The following SLC25A15 variants were observed in gnomAD, a reference collection of about 807,000 sequenced individuals.
The protein encoded by SLC25A15 is mitochondrial ornithine transporter 1.
SLC25A15 carries 24 observed loss-of-function variants against 32.3 expected under a neutral mutation model. The ratio of observed to expected loss-of-function variants is 0.74; its 90% CI spans 0.54 to 1.04. SLC25A15 has a LOEUF of 1.04. SLC25A15 is among the 50% of genes least tolerant of loss of function. SLC25A15 has a pLI of 0.00. For missense variants in SLC25A15, 317 were observed against 374.5 expected, an observed-to-expected ratio of 0.85 and a Z score of 1.27; for synonymous variants, 132 against 142.1, an observed-to-expected ratio of 0.93 and a Z score of 0.51.
At position 40,811,003 on chromosome 13, in the gene SLC25A15, CCT is replaced by C. The variant is rs1882423578; in HGVS notation, c.*1342_*1343del. ...TGGTGATTGTGTGACAGTGGGTGAA[CCT>C]CTCTCAGAGAGAACTAGAAAGAACT... On this transcript the variant is annotated 3_prime_UTR_variant, in exon 7 of 7. Coordinates refer to ENST00000338625, the MANE Select transcript of SLC25A15 (RefSeq NM_014252.4). 2.6e-6 allele frequency: 1 copy of C among 385,714 alleles called. No homozygotes were observed. Among genetic ancestry groups the C allele is most frequent in the Admixed American group, 3.3e-5 (1 of 30,520 alleles). 23.9% of individuals were successfully genotyped at this position (385,714 alleles called of 1,614,324 possible).
intron 3 of SLC25A15, 34 bp downstream of exon 3, chr13:40,799,349 TA>T: frequency 6.2e-7 from 1 of 1,613,718 alleles, no homozygotes; most frequent in Non-Finnish European, 8.5e-7. Context: ...TTTATTTGTT[TA>T]AAAAAACCCC....
intron 1 of SLC25A15, among the ~76,000 whole-genome samples, chr13:40,792,331 C>T (rs1593287990): frequency 1.3e-5 from 2 of 152,274 alleles, no homozygotes; most frequent in South Asian, 2.1e-4. Flanking sequence ...TGGCACTGTC[C>T]GCCTCACTTG....
At chr13:40,791,452 G>A (rs1426265337) in intron 1 of SLC25A15, among the ~76,000 whole-genome samples, 2 of 151,474 alleles carry the variant, frequency 1.3e-5, no homozygotes, top group African/African-American at 4.9e-5. Context: ...CCACCTCCCG[G>A]GTTCAAGTGA....
At chr13:40,790,094 C>T (rs1266337614) in intron 1 of SLC25A15, among the ~76,000 whole-genome samples, 1 of 152,204 alleles carries the variant, frequency 6.6e-6, no homozygotes, top group Non-Finnish European at 1.5e-5. Context: ...GGAGACGCGC[C>T]TGGCCGGTCC....
intron 3 of SLC25A15, among the ~76,000 whole-genome samples, chr13:40,804,842 GC>G (rs2138053591): frequency 6.6e-6 from 1 of 152,010 alleles, no homozygotes; most frequent in Non-Finnish European, 1.5e-5. Flanking sequence ...GAGCCACGGC[GC>G]CCGGCCCTTT....
intron 1 of SLC25A15, among the ~76,000 whole-genome samples, chr13:40,789,936 G>A (rs1305956233): frequency 6.6e-6 from 1 of 152,214 alleles, no homozygotes; most frequent in Admixed American, 6.5e-5. Flanking sequence ...CCTCAGGGGC[G>A]CCAGTGCTGG....
At chr13:40,804,992 G>A in intron 3 of SLC25A15, 126 bp from the exon 4 acceptor site, 1 of 1,089,294 alleles carries the variant, frequency 9.2e-7, no homozygotes. Context: ...CTAAGTAGCT[G>A]TAATCACAGG....
chr13:40,810,447 G>A lies in SLC25A15; in HGVS notation c.*780G>A, dbSNP rs1882399917. On this transcript the variant is annotated 3_prime_UTR_variant, in exon 7 of 7. Coordinates refer to ENST00000338625, the MANE Select transcript of SLC25A15 (RefSeq NM_014252.4). ...CAAAGTGCTGGGATTACTGGTGTGAGCCACCATGCCCAGCCAGTGGTTGAA... is the reference window on the plus strand; with the variant it reads ...CAAAGTGCTGGGATTACTGGTGTGAACCACCATGCCCAGCCAGTGGTTGAA... 6.6e-6 allele frequency among the ~76,000 whole-genome samples: 1 copy of A among 152,202 alleles called. No individual in the cohort carries two copies. The highest frequency in any genetic ancestry group is 1.5e-5 in the Non-Finnish European group (1 of 68,034).
chr13:40,810,138 G>A lies in SLC25A15; in HGVS notation c.*471G>A, dbSNP rs188637038. 4.6e-4 allele frequency: 90 copies of A among 196,430 alleles called. No individual in the cohort carries two copies. The highest frequency in any genetic ancestry group is 1.9e-3 in the African/African-American group (81 of 42,222). 12.2% of individuals were successfully genotyped at this position (196,430 alleles called of 1,614,324 possible). On this transcript the variant is annotated 3_prime_UTR_variant, in exon 7 of 7. Transcript: ENST00000338625. ...TCTAGATGTAGGGTCTGCTTAATGT[G>A]TGTACTTTTCTAAGTGGTTGATTAT...
At chr13:40,809,444 T>A in intron 6 of SLC25A15, 99 bp from the exon 7 acceptor site, 1 of 1,463,108 alleles carries the variant, frequency 6.8e-7, no homozygotes, top group Non-Finnish European at 9.6e-7. Flanking sequence ...AGCACTGTTG[T>A]CTGGGTTTGC....
intron 3 of SLC25A15, among the ~76,000 whole-genome samples, chr13:40,804,482 G>C (rs543638057): frequency 1.3e-5 from 2 of 152,028 alleles, no homozygotes; most frequent in African/African-American, 4.8e-5. Context: ...GCTGCTGTCT[G>C]CTTCATAGGG....
chr13:40,794,211 A>C (rs761015455), intron 2 of SLC25A15, among the ~76,000 whole-genome samples: 1 of 152,128 alleles, frequency 6.6e-6, no homozygotes, highest in Non-Finnish European at 1.5e-5. Flanking sequence ...GTGGTGGTGC[A>C]TGCCTGTAAT....
At chr13:40,791,509 C>T (rs879606446) in intron 1 of SLC25A15, among the ~76,000 whole-genome samples, 3 of 151,812 alleles carry the variant, frequency 2.0e-5, no homozygotes, top group Non-Finnish European at 4.4e-5. Context: ...AGGTGTGCAT[C>T]ACCACGCTGG....
chr13:40,808,157 T>C (rs1433968404), intron 5 of SLC25A15, among the ~76,000 whole-genome samples: 1 of 152,250 alleles, frequency 6.6e-6, no homozygotes. Flanking sequence ...CTGGTTCGTG[T>C]GGGCCAGCCC....
chr13:40,796,809 C>T lies in SLC25A15; in HGVS notation c.56-2248C>T, dbSNP rs765099959. On this transcript the variant is annotated intron_variant, in intron 2 of 6. Coordinates refer to ENST00000338625, the MANE Select transcript of SLC25A15 (RefSeq NM_014252.4). ...GCCCTGATAGATTTCCTCTGTATCTCGTGATTTACTGACTCTATGTCAAGG... is the reference window on the plus strand; with the variant it reads ...GCCCTGATAGATTTCCTCTGTATCTTGTGATTTACTGACTCTATGTCAAGG... 6.6e-5 allele frequency among the ~76,000 whole-genome samples: 10 copies of T among 152,022 alleles called. No individual in the cohort carries two copies. The East Asian group carries it at 7.7e-4, about 12-fold the overall frequency.
intron 3 of SLC25A15, among the ~76,000 whole-genome samples, chr13:40,799,734 A>G (rs1221756693): frequency 1.3e-5 from 2 of 152,218 alleles, no homozygotes; most frequent in African/African-American, 2.4e-5. Flanking sequence ...GTTCAGATGC[A>G]GCTGGCAGTG....
chr13:40,792,822 G>A (rs927153539), intron 1 of SLC25A15, among the ~76,000 whole-genome samples: 1 of 152,190 alleles, frequency 6.6e-6, no homozygotes, highest in Non-Finnish European at 1.5e-5. Context: ...CTGTTCAATT[G>A]ATGGCTCAAC....
chr13:40,796,765 T>TCCCTGAGACACTGTCCCTG (rs1169367596), intron 2 of SLC25A15, among the ~76,000 whole-genome samples: 71 of 152,140 alleles, frequency 4.7e-4, no homozygotes, highest in African/African-American at 1.7e-3. Context: ...AGCTGTCCCT[T>TCCCTGAGACACTGTCCCTG]CCCTGAGACA....
At chr13:40,791,993 C>T (rs1335560291) in intron 1 of SLC25A15, among the ~76,000 whole-genome samples, 1 of 152,124 alleles carries the variant, frequency 6.6e-6, no homozygotes, top group Non-Finnish European at 1.5e-5. Context: ...TCACACGGCT[C>T]CTCAGTGTGA....
Sources: gnomAD v4.1 joint callset for allele counts (sites outside exome capture counted in the v4.1 genomes callset) on GRCh38, gnomAD v4.1.1 for gene constraint, MANE v1.5 for transcripts, NCBI Gene and HGNC (gene_info 2026-07-23, HGNC 2026-07-21) for gene names.